The following CXXC4 variants were observed in gnomAD, a reference collection of about 807,000 sequenced individuals.
CXXC4 encodes CXXC finger protein 4, also known as CXXC-type zinc finger protein 4.
In CXXC4, 5 loss-of-function variants were observed where a neutral mutation model predicts 20.5. The observed-to-expected ratio is 0.24, with a 90% CI of 0.13 to 0.51. CXXC4 has a LOEUF of 0.51. Ranked by LOEUF, CXXC4 falls within the 20% of genes least tolerant of loss-of-function variation. The pLI, the probability that CXXC4 is intolerant of heterozygous loss-of-function variation, is 0.97. For missense variants in CXXC4, 419 were observed against 496.4 expected (o/e 0.84, Z 1.48); for synonymous variants, 250 against 216.4 (o/e 1.16, Z -1.36).
At chr4:104,488,043 T>G (rs1188112729) in intron 2 of CXXC4, among the ~76,000 whole-genome samples, 1 of 151,998 alleles carries the variant, frequency 6.6e-6, no homozygotes, top group Non-Finnish European at 1.5e-5. Flanking sequence ...AAGGGAAGAG[T>G]GGCACATGAG....
intron 1 of CXXC4, 192 bp downstream of exon 1, chr4:104,494,509 T>A (rs1449137773): frequency 1.3e-5 from 2 of 152,064 alleles, no homozygotes; most frequent in African/African-American, 4.8e-5. Context: ...CACTTACCAG[T>A]CTCTTTTTAT....
chr4:104,483,614 C>G (rs554969126), intron 2 of CXXC4, among the ~76,000 whole-genome samples: 12 of 151,538 alleles, frequency 7.9e-5, no homozygotes, highest in Non-Finnish European at 1.5e-4. Flanking sequence ...TCGAATTTTC[C>G]AAATTTGTTA....
chr4:104,488,735 G>T (rs1328887080), intron 2 of CXXC4, among the ~76,000 whole-genome samples: 1 of 152,180 alleles, frequency 6.6e-6, no homozygotes, highest in African/African-American at 2.4e-5. Context: ...CAACAAGCTT[G>T]TAGGAAAAGC....
intron 2 of CXXC4, among the ~76,000 whole-genome samples, chr4:104,489,036 AGT>A (rs1319566848): frequency 6.6e-6 from 1 of 152,212 alleles, no homozygotes; most frequent in African/African-American, 2.4e-5. Flanking sequence ...AATTTCCCAT[AGT>A]CCTTAGAAGT....
In CXXC4 at chr4:104,468,911, C is replaced by T. The variant is rs1452892922; in HGVS notation, c.*3411G>A. 2 of 152,086 alleles carry T rather than the reference C, an allele frequency of 1.3e-5. No individual in the cohort carries two copies. Among genetic ancestry groups the T allele is most frequent in the East Asian group, 1.9e-4 (1 of 5,178 alleles). 9.4% of individuals were successfully genotyped at this position (152,086 alleles called of 1,614,324 possible). ...ACTTTATATGCTTTAGCATTAATTG[C>T]ACAACTTACATATCAGGGTTTCTGA... is the stretch of plus-strand genomic sequence containing the variant. On this transcript the variant is annotated 3_prime_UTR_variant, in exon 3 of 3. Coordinates refer to ENST00000394767, the MANE Select transcript of CXXC4 (RefSeq NM_025212.4).
chr4:104,490,419 G>T (rs1736814253), intron 2 of CXXC4, among the ~76,000 whole-genome samples: 1 of 152,228 alleles, frequency 6.6e-6, no homozygotes, highest in Admixed American at 6.5e-5. Context: ...CCTTTTTAAT[G>T]AGGAGGAGGG....
chr4:104,477,791 C>T (rs1736452783), intron 2 of CXXC4, among the ~76,000 whole-genome samples: 1 of 151,868 alleles, frequency 6.6e-6, no homozygotes, highest in African/African-American at 2.4e-5. Flanking sequence ...TTACACCTCA[C>T]TTTTTTCTTC....
In CXXC4 at chr4:104,471,434, C is replaced by A. The variant is rs2110268424; in HGVS notation, c.*888G>T. 6.6e-6 allele frequency: 1 copy of A among 152,068 alleles called. No individual in the cohort carries two copies. The highest frequency in any genetic ancestry group is 2.4e-5 in the African/African-American group (1 of 41,506). The allele number at this position is 152,068 out of a possible 1,614,324, so 9.4% of individuals were successfully genotyped here. On this transcript the variant is annotated 3_prime_UTR_variant, in exon 3 of 3. Transcript: ENST00000394767. ...ACTTTATTCTTTAGCCTAAAAAACA[C>A]CGTTTTTATAAAAAAAAATTATACA...
At chr4:104,485,183 C>G (rs1247369882) in intron 2 of CXXC4, among the ~76,000 whole-genome samples, 2 of 152,020 alleles carry the variant, frequency 1.3e-5, no homozygotes, top group East Asian at 3.8e-4. Flanking sequence ...TGATCAGTGA[C>G]TAAAAGTCAC....
At chr4:104,475,912 C>T (rs1161788686) in intron 2 of CXXC4, among the ~76,000 whole-genome samples, 1 of 152,074 alleles carries the variant, frequency 6.6e-6, no homozygotes, top group African/African-American at 2.4e-5. Context: ...CATGCAGGTG[C>T]AAACGCTGAC....
At chr4:104,481,273 T>C (rs1279161559) in intron 2 of CXXC4, among the ~76,000 whole-genome samples, 1 of 152,156 alleles carries the variant, frequency 6.6e-6, no homozygotes, top group African/African-American at 2.4e-5. Flanking sequence ...CTCACGCCTA[T>C]AATCCCAGCA....
In CXXC4 at chr4:104,491,416, C is replaced by CCCGCCCCCGCCTCCGCCG; in HGVS notation, c.369_386dup (p.Gly129_Gly134dup). 2.9e-6 allele frequency: 3 copies of CCCGCCCCCGCCTCCGCCG among 1,024,706 alleles called. No homozygotes were observed. Among genetic ancestry groups the CCCGCCCCCGCCTCCGCCG allele is most frequent in the Non-Finnish European group, 3.7e-6 (3 of 810,558 alleles). 63.5% of individuals were successfully genotyped at this position (1,024,706 alleles called of 1,614,324 possible). On this transcript the variant is annotated inframe_insertion, in exon 2 of 3. Coordinates refer to ENST00000394767, the MANE Select transcript of CXXC4 (RefSeq NM_025212.4). Reference sequence around the variant, plus strand: ...AGGATTTCCTGCCGCCCCCACCACCCCCGCCCCCGCCTCCGCCGCCGCCGC... The same window carrying CCCGCCCCCGCCTCCGCCG: ...AGGATTTCCTGCCGCCCCCACCACCCCCGCCCCCGCCTCCGCCGCCGCCCCCGCCTCCGCCGCCGCCGC...
rs924648643 is a variant in CXXC4 at position 104,491,428 on chromosome 4, TCCGCCG to T, written c.369_374del (p.Gly133_Gly134del). 513 of 823,372 alleles carry T rather than the reference TCCGCCG, an allele frequency of 6.2e-4. 4 individuals carry two copies. In the African/African-American group the frequency reaches 7.1e-3, roughly 11 times the overall value. The allele number at this position is 823,372 out of a possible 1,614,324, so 51.0% of individuals were successfully genotyped here. ...CGCCCCCACCACCCCCGCCCCCGCC[TCCGCCG>T]CCGCCGCCGCCGCCGCCACCCCCCC... is the stretch of plus-strand genomic sequence containing the variant. On this transcript the variant is annotated inframe_deletion, in exon 2 of 3. Coordinates refer to ENST00000394767, the MANE Select transcript of CXXC4 (RefSeq NM_025212.4).
At chr4:104,479,333 G>A (rs1388146794) in intron 2 of CXXC4, among the ~76,000 whole-genome samples, 1 of 152,012 alleles carries the variant, frequency 6.6e-6, no homozygotes, top group Non-Finnish European at 1.5e-5. Context: ...TAATTTATAC[G>A]AAAATAAAGT....
chr4:104,469,645 GA>G lies in CXXC4; in HGVS notation c.*2676del, dbSNP rs1736211969. The G allele has an allele frequency of 6.6e-6, 1 of 152,002 alleles. No homozygotes were observed. Among genetic ancestry groups the G allele is most frequent in the African/African-American group, 2.4e-5 (1 of 41,406 alleles). The allele number at this position is 152,002 out of a possible 1,614,324, so 9.4% of individuals were successfully genotyped here. ...GGGACATATGAGGAAGAAAACTAGA[GA>G]AAGGCCAGAAGAGTCATCTCTTTCT... On this transcript the variant is annotated 3_prime_UTR_variant, in exon 3 of 3. Coordinates refer to ENST00000394767, the MANE Select transcript of CXXC4 (RefSeq NM_025212.4).
At chr4:104,493,747 A>C (rs988578022) in intron 1 of CXXC4, among the ~76,000 whole-genome samples, 1 of 152,200 alleles carries the variant, frequency 6.6e-6, no homozygotes, top group Non-Finnish European at 1.5e-5. Context: ...CTCTTGGCTA[A>C]ATATTCTTGA....
chr4:104,476,588 A>G (rs1466858664), intron 2 of CXXC4, among the ~76,000 whole-genome samples: 3 of 152,196 alleles, frequency 2.0e-5, no homozygotes, highest in African/African-American at 7.2e-5. Flanking sequence ...AAAACTTTTG[A>G]TGCTGAAATT....
chr4:104,486,717 A>G (rs1189695579), intron 2 of CXXC4, among the ~76,000 whole-genome samples: 1 of 152,034 alleles, frequency 6.6e-6, no homozygotes, highest in Non-Finnish European at 1.5e-5. Context: ...TTATCCATAG[A>G]TTTTTTTGTC....
chr4:104,491,675 C>A lies in CXXC4; in HGVS notation c.128G>T (p.Arg43Leu). Residue 43 changes from arginine (R) to leucine (L), a missense_variant, in exon 2 of 3, where the codon CGC (arginine) becomes CTC (leucine). Arg to Leu is a moderately radical substitution (Grantham distance 102). Around this residue, in one of 3 missense-constraint regions of CXXC4, gnomAD observed 388 missense variants for 416.0 expected, o/e 0.93. Transcript: ENST00000394767. Reference sequence around the variant, plus strand: ...CTTGTAGAAGGAGGTGGCAAAGGAGCGGTAGCGCTCCATTTCCGAGTTGTA... The same window carrying A: ...CTTGTAGAAGGAGGTGGCAAAGGAGAGGTAGCGCTCCATTTCCGAGTTGTA... ...VDYNSEMERY[R>L]SFATSFYKTN... The A allele has an allele frequency of 6.5e-7, 1 of 1,545,016 alleles. No homozygotes were observed. The highest frequency in any genetic ancestry group is 8.7e-7 in the Non-Finnish European group (1 of 1,144,488).
Sources: gnomAD v4.1 joint callset for allele counts (sites outside exome capture counted in the v4.1 genomes callset) on GRCh38, gnomAD v4.1.1 for gene constraint, gnomAD v4.1.1 regional missense constraint, MANE v1.5 for transcripts, NCBI Gene and HGNC (gene_info 2026-07-23, HGNC 2026-07-21) for gene names.